The following MTA3 variants were observed in gnomAD, a reference collection of about 807,000 sequenced individuals.
The protein encoded by MTA3 is metastasis associated 1 family member 3.
MTA3 carries 34 observed loss-of-function variants against 83.5 expected under a neutral mutation model. The ratio of observed to expected loss-of-function variants is 0.41; its 90% CI spans 0.31 to 0.54. MTA3 has a LOEUF of 0.54. MTA3 is among the 20% of genes least tolerant of loss of function. The pLI, the probability that MTA3 is intolerant of heterozygous loss-of-function variation, is 0.33. For synonymous variants in MTA3, 303 were observed against 252.7 expected, an observed-to-expected ratio of 1.20 and a Z score of -1.89; for missense variants, 761 against 726.4, an observed-to-expected ratio of 1.05 and a Z score of -0.55.
chr2:42,613,661 G>A (rs1272732090), intron 4 of MTA3: 4 of 152,170 alleles, frequency 2.6e-5, no homozygotes, highest in African/African-American at 9.7e-5. Flanking sequence ...AATTTCCTTG[G>A]TGCTCTTTGG....
chr2:42,593,492 C>T (rs1681294822), intron 3 of MTA3, among the ~76,000 whole-genome samples: 1 of 152,186 alleles, frequency 6.6e-6, no homozygotes, highest in South Asian at 2.1e-4. Flanking sequence ...ATACCAGTAT[C>T]ATCACAGACA....
intron 8 of MTA3, among the ~76,000 whole-genome samples, chr2:42,677,072 A>G (rs1691429926): frequency 6.6e-6 from 1 of 152,144 alleles, no homozygotes. Context: ...CACTATACCT[A>G]ACATAAGGTT....
At chr2:42,545,897 T>G (rs548760212) in intron 2 of MTA3, among the ~76,000 whole-genome samples, 8 of 152,316 alleles carry the variant, frequency 5.3e-5, no homozygotes, top group Non-Finnish European at 1.0e-4. Context: ...GCCTTCAGAC[T>G]GGAAATTCTG....
At chr2:42,598,063 A>ATTTCT (rs901556293) in intron 3 of MTA3, among the ~76,000 whole-genome samples, 6 of 149,522 alleles carry the variant, frequency 4.0e-5, no homozygotes, top group African/African-American at 1.2e-4. Context: ...TACTATTTTT[A>ATTTCT]TTTCTTTTCT....
In MTA3 at chr2:42,551,830, C is replaced by G. The variant is rs577405602; in HGVS notation, c.-140-18607C>G. 4.6e-5 allele frequency among the ~76,000 whole-genome samples: 7 copies of G among 151,912 alleles called. No homozygotes were observed. In the South Asian group the frequency reaches 1.5e-3, roughly 32 times the overall value. The stretch of plus-strand genomic sequence containing the variant: ...GCAACCTCCGCCTCCTGGGTTGAAG[C>G]AATTCTCTGCCTCAGTCTCCAGAGT... On this transcript the variant is annotated intron_variant, in intron 2 of 17. Transcript: ENST00000405592.
rs369388559 is a variant in MTA3 at position 42,737,012 on chromosome 2, T to A, written c.1759+13977T>A. ...CCAGTATCAAAGTTGCAAGAGAAAG[T>A]CCTCTTTACTCTATCCTTTTCTCTC... On this transcript the variant is annotated intron_variant, in intron 16 of 16. Transcript: ENST00000405094. 9.9e-5 allele frequency among the ~76,000 whole-genome samples: 15 copies of A among 152,284 alleles called. No homozygotes were observed. In the East Asian group the frequency reaches 2.3e-3, roughly 24 times the overall value.
chr2:42,695,665 AG>A, intron 9 of MTA3, 99 bp from the exon 10 acceptor site: 1 of 374,044 alleles, frequency 2.7e-6, no homozygotes, highest in Non-Finnish European at 4.8e-6. Context: ...AAAAAAAGAA[AG>A]TGGTGGTTTT....
intron 12 of MTA3, among the ~76,000 whole-genome samples, chr2:42,706,237 G>A (rs1256363838): frequency 6.6e-6 from 1 of 151,712 alleles, no homozygotes; most frequent in African/African-American, 2.4e-5. Context: ...TAACTAACCT[G>A]CACATTGTGC....
At chr2:42,747,890 AAACTTAATCATCACCCCC>A (rs1309474805) in intron 16 of MTA3, among the ~76,000 whole-genome samples, 2 of 152,054 alleles carry the variant, frequency 1.3e-5, no homozygotes, top group Non-Finnish European at 2.9e-5. Flanking sequence ...TCAAAATAAT[AAACTTAATCATCACCCCC>A]AACAGTTTTC....
intron 16 of MTA3, among the ~76,000 whole-genome samples, chr2:42,726,604 T>C (rs1304007167): frequency 3.3e-5 from 5 of 151,898 alleles, no homozygotes; most frequent in Non-Finnish European, 7.4e-5. Flanking sequence ...GAACATGCGG[T>C]GTTTGTTTTT....
Position 42,637,842 on chromosome 2 carries a change from T to C in MTA3, c.318-2331T>C, listed in dbSNP as rs532102278. Among the ~76,000 whole-genome samples, 6 of 152,268 alleles carry C rather than the reference T, an allele frequency of 3.9e-5. No individual in the cohort carries two copies. In the South Asian group the frequency reaches 1.2e-3, roughly 32 times the overall value. On this transcript the variant is annotated intron_variant, in intron 4 of 16. Coordinates refer to ENST00000405094, the MANE Select transcript of MTA3 (RefSeq NM_001330442.2). ...TTATGAAAATAAAGGTTTTATAATT[T>C]AAAATCTTTTATTTCAGACCATATG...
intron 2 of MTA3, among the ~76,000 whole-genome samples, chr2:42,570,733 G>A (rs1272698928): frequency 1.3e-5 from 2 of 151,922 alleles, no homozygotes; most frequent in African/African-American, 2.4e-5. Flanking sequence ...AAATATGGCT[G>A]GGTGCGGTGG....
intron 4 of MTA3, among the ~76,000 whole-genome samples, chr2:42,613,482 A>G (rs1178677642): frequency 6.6e-6 from 1 of 152,240 alleles, no homozygotes; most frequent in Non-Finnish European, 1.5e-5. Flanking sequence ...CTGATGTAGA[A>G]CAAGTGCACA....
chr2:42,571,546 C>G (rs1426293659), intron 2 of MTA3, among the ~76,000 whole-genome samples: 2 of 152,150 alleles, frequency 1.3e-5, no homozygotes, highest in East Asian at 1.9e-4. Context: ...TTATGTAACT[C>G]AGACCCTTTT....
intron 16 of MTA3, among the ~76,000 whole-genome samples, chr2:42,730,011 C>G (rs367747127): frequency 6.6e-6 from 1 of 152,206 alleles, no homozygotes; most frequent in Non-Finnish European, 1.5e-5. Flanking sequence ...TCTTTCACTT[C>G]TTTTTCAGAT....
chr2:42,584,322 A>G (rs1680016510), intron 3 of MTA3, among the ~76,000 whole-genome samples: 1 of 152,182 alleles, frequency 6.6e-6, no homozygotes, highest in South Asian at 2.1e-4. Flanking sequence ...ACGTCAAAGA[A>G]GCCTTACCTT....
chr2:42,656,696 G>A (rs1689200426), intron 7 of MTA3, among the ~76,000 whole-genome samples: 3 of 152,200 alleles, frequency 2.0e-5, no homozygotes, highest in African/African-American at 7.2e-5. Context: ...GTGTGGGTAA[G>A]GCCTGTTGCT....
At chr2:42,600,651 T>A (rs1682448480) in intron 3 of MTA3, among the ~76,000 whole-genome samples, 1 of 151,622 alleles carries the variant, frequency 6.6e-6, no homozygotes, top group Non-Finnish European at 1.5e-5. Flanking sequence ...AAGCGATTCT[T>A]GTGCCTCAGT....
intron 8 of MTA3, among the ~76,000 whole-genome samples, chr2:42,667,570 TTGTGTGTGTGTGTGTGTGTGTGTG>T (rs1553379043): frequency 2.1e-5 from 3 of 145,010 alleles, no homozygotes; most frequent in Non-Finnish European, 4.5e-5. Flanking sequence ...CATTTAAAAA[TTGTGTGTGTGTGTGTGTGTGTGTG>T]TGTGTGTGTG....
Sources: allele counts gnomAD v4.1 joint callset (sites outside exome capture counted in the v4.1 genomes callset), GRCh38; gene constraint gnomAD v4.1.1; transcripts MANE v1.5; gene names NCBI Gene and HGNC (gene_info 2026-07-23, HGNC 2026-07-21).